KCNIP3: variants seen among roughly 807,000 people sequenced by gnomAD.
KCNIP3 encodes the protein calsenilin.
Under a neutral mutation model 35.0 loss-of-function variants are expected in KCNIP3, and 28 were observed. The ratio of observed to expected loss-of-function variants is 0.80; its 90% CI spans 0.59 to 1.10. The LOEUF is 1.10. Ranked by LOEUF, KCNIP3 falls within the 50% of genes least tolerant of loss-of-function variation. The pLI, the probability that KCNIP3 is intolerant of heterozygous loss-of-function variation, is 0.00. For missense variants in KCNIP3, 295 were observed against 338.4 expected (o/e 0.87, Z 1.01); for synonymous variants, 134 against 133.8 (o/e 1.00, Z -0.01).
intron 2 of KCNIP3, among the ~76,000 whole-genome samples, chr2:95,324,842 C>T (rs1208795069): frequency 6.6e-6 from 1 of 151,742 alleles, no homozygotes; most frequent in Non-Finnish European, 1.5e-5. Context: ...ACCTGGGAGG[C>T]TGAGGTTGCA....
intron 2 of KCNIP3, among the ~76,000 whole-genome samples, chr2:95,327,827 C>A (rs948836617): frequency 3.9e-5 from 6 of 152,234 alleles, no homozygotes; most frequent in African/African-American, 1.4e-4. Flanking sequence ...CAGGACTCAG[C>A]CCAGCTGGGA....
At chr2:95,326,904 C>A (rs996014331) in intron 2 of KCNIP3, among the ~76,000 whole-genome samples, 2 of 152,226 alleles carry the variant, frequency 1.3e-5, no homozygotes, top group African/African-American at 4.8e-5. Flanking sequence ...TGCGTGGGGC[C>A]CTCGCTGCCC....
At chr2:95,369,587 G>T (rs1459746504) in intron 2 of KCNIP3, among the ~76,000 whole-genome samples, 1 of 151,602 alleles carries the variant, frequency 6.6e-6, no homozygotes. Flanking sequence ...TTTCCTTCCT[G>T]ATGTTGGTAG....
At chr2:95,375,750 GGTCCTGGC>G (rs1680168652) in intron 5 of KCNIP3, among the ~76,000 whole-genome samples, 1 of 152,168 alleles carries the variant, frequency 6.6e-6, no homozygotes, top group Non-Finnish European at 1.5e-5. Context: ...TTCCCTGTGG[GGTCCTGGC>G]CTGGGCTCCT....
chr2:95,310,496 T>A lies in KCNIP3; in HGVS notation c.157T>A (p.Ser53Thr). The change falls in exon 2 of 9, where the codon TCC (serine) becomes ACC (threonine). Residue 53 changes from serine (S) to threonine (T), a missense_variant. Coordinates refer to ENST00000295225, the MANE Select transcript of KCNIP3 (RefSeq NM_013434.5). ...ATGCTGCCTGGTCAAGTGGATCCTGTCCAGCACAGCCCCACAGGGCTCAGG... is the reference window on the plus strand; with the variant it reads ...ATGCTGCCTGGTCAAGTGGATCCTGACCAGCACAGCCCCACAGGGCTCAGG... ...MRCCLVKWILSSTAPQGSDSS... is the reference protein window; with the variant it reads ...MRCCLVKWILTSTAPQGSDSS... The A allele has an allele frequency of 1.3e-6, 2 of 1,595,786 alleles. No individual in the cohort carries two copies. Among genetic ancestry groups the A allele is most frequent in the Non-Finnish European group, 1.7e-6 (2 of 1,173,900 alleles).
intron 2 of KCNIP3, among the ~76,000 whole-genome samples, chr2:95,371,634 T>G (rs1443519423): frequency 1.3e-5 from 2 of 152,202 alleles, no homozygotes; most frequent in African/African-American, 4.8e-5. Flanking sequence ...CAATTATGAT[T>G]GTGACTTTTT....
intron 2 of KCNIP3, among the ~76,000 whole-genome samples, chr2:95,342,976 C>T (rs1007726059): frequency 1.2e-4 from 19 of 152,078 alleles, no homozygotes; most frequent in Admixed American, 5.9e-4. Context: ...GGAAAGGGCA[C>T]GGTCTGATTT....
At chr2:95,317,908 G>A (rs1323676931) in intron 2 of KCNIP3, among the ~76,000 whole-genome samples, 1 of 152,210 alleles carries the variant, frequency 6.6e-6, no homozygotes, top group Non-Finnish European at 1.5e-5. Flanking sequence ...GGAAGCACCT[G>A]GGAGGCATCA....
intron 2 of KCNIP3, among the ~76,000 whole-genome samples, chr2:95,363,061 C>T (rs1679839254): frequency 6.6e-6 from 1 of 152,184 alleles, no homozygotes; most frequent in South Asian, 2.1e-4. Flanking sequence ...ACACTCTACG[C>T]TATCTTCTTC....
chr2:95,325,856 C>G (rs916895035), intron 2 of KCNIP3, among the ~76,000 whole-genome samples: 6 of 59,214 alleles, frequency 1.0e-4, no homozygotes, highest in Non-Finnish European at 2.0e-4. Context: ...CACACATACA[C>G]TCACAGGCAC....
chr2:95,297,740 G>C (rs1366200601), intron 1 of KCNIP3, among the ~76,000 whole-genome samples: 3 of 152,094 alleles, frequency 2.0e-5, no homozygotes, highest in Non-Finnish European at 4.4e-5. Flanking sequence ...AGGTTTATAA[G>C]TGTTTGCGGA....
chr2:95,298,291 TTCTC>T (rs1677928887), intron 1 of KCNIP3, among the ~76,000 whole-genome samples: 1 of 152,112 alleles, frequency 6.6e-6, no homozygotes, highest in Non-Finnish European at 1.5e-5. Flanking sequence ...TTAGCGGGGT[TTCTC>T]TCTCATGCAG....
chr2:95,326,489 A>C (rs543856001), intron 2 of KCNIP3, among the ~76,000 whole-genome samples: 1 of 152,338 alleles, frequency 6.6e-6, no homozygotes, highest in East Asian at 1.9e-4. Flanking sequence ...CTTAGCGCCC[A>C]ACATGGCCTA....
rs140027632 is a variant in KCNIP3, at chr2:95,324,523, GATAA to G, written c.181+14033_181+14036del. ...GCGAGACTCCGTCTCAAAATAAATAGATAAATAAATAAATAAATAAATAAATAAA... is the reference window on the plus strand; with the variant it reads ...GCGAGACTCCGTCTCAAAATAAATAGATAAATAAATAAATAAATAAATAAA... On this transcript the variant is annotated intron_variant, in intron 2 of 8. Coordinates refer to ENST00000295225, the MANE Select transcript of KCNIP3 (RefSeq NM_013434.5). 5.5e-3 allele frequency among the ~76,000 whole-genome samples: 800 copies of G among 145,756 alleles called. 11 individuals carry two copies. The highest frequency in any genetic ancestry group is 0.018 in the African/African-American group (705 of 40,020).
chr2:95,325,748 CACTCATACACACAT>C (rs1303507813), intron 2 of KCNIP3, among the ~76,000 whole-genome samples: 1 of 151,590 alleles, frequency 6.6e-6, no homozygotes, highest in African/African-American at 2.4e-5. Flanking sequence ...CATACACACG[CACTCATACACACAT>C]ACACACTCAT....
At chr2:95,306,557 A>C (rs909145384) in intron 1 of KCNIP3, among the ~76,000 whole-genome samples, 5 of 152,206 alleles carry the variant, frequency 3.3e-5, no homozygotes. Flanking sequence ...GTAGTCAGGC[A>C]GGGCTCTTCT....
At chr2:95,323,879 C>G (rs527612376) in intron 2 of KCNIP3, among the ~76,000 whole-genome samples, 1 of 152,188 alleles carries the variant, frequency 6.6e-6, no homozygotes, top group Non-Finnish European at 1.5e-5. Flanking sequence ...TCTAGGAAGA[C>G]CTGTCCTCCT....
intron 2 of KCNIP3, among the ~76,000 whole-genome samples, chr2:95,370,604 A>G (rs1446962582): frequency 6.6e-6 from 1 of 152,138 alleles, no homozygotes; most frequent in African/African-American, 2.4e-5. Context: ...AAATCGAGTT[A>G]TTAGTCTTAT....
chr2:95,341,445 G>C (rs1679192258), intron 2 of KCNIP3, among the ~76,000 whole-genome samples: 1 of 152,184 alleles, frequency 6.6e-6, no homozygotes, highest in Admixed American at 6.5e-5. Flanking sequence ...CTAATACAGA[G>C]GGCTTGGTCA....
Sources: gnomAD v4.1 joint callset for allele counts (sites outside exome capture counted in the v4.1 genomes callset) on GRCh38, gnomAD v4.1.1 for gene constraint, MANE v1.5 for transcripts, NCBI Gene and HGNC (gene_info 2026-07-23, HGNC 2026-07-21) for gene names.